Variants in ACTA2 observed in about 807,000 individuals in gnomAD.
The protein encoded by ACTA2 is actin alpha 2, smooth muscle.
In ACTA2, 12 loss-of-function variants were observed where a neutral mutation model predicts 39.5. The ratio of observed to expected loss-of-function variants is 0.30; its 90% CI spans 0.19 to 0.49. ACTA2 has a LOEUF of 0.49. ACTA2 is among the 20% of genes least tolerant of loss of function. The pLI, the probability that ACTA2 is intolerant of heterozygous loss-of-function variation, is 0.99. For synonymous variants in ACTA2, 158 were observed against 180.6 expected, an observed-to-expected ratio of 0.88 and a Z score of 1.00; for missense variants, 236 against 498.8, an observed-to-expected ratio of 0.47 and a Z score of 5.02.
chr10:88,982,025 G>A (rs879527264), intron 1 of ACTA2, among the ~76,000 whole-genome samples: 2 of 152,184 alleles, frequency 1.3e-5, no homozygotes, highest in Non-Finnish European at 2.9e-5. Flanking sequence ...ATATAAAAGG[G>A]TCTAACACAT....
upstream of ACTA2, among the ~76,000 whole-genome samples, chr10:88,952,937 G>T (rs1846076062): frequency 6.6e-6 from 1 of 152,268 alleles, no homozygotes; most frequent in Non-Finnish European, 1.5e-5. Context: ...CGGAGGCCTG[G>T]GTCTCTTCCA....
At position 88,944,175 on chromosome 10, in the gene ACTA2, C is replaced by G. The variant is rs532689179; in HGVS notation, c.259-268G>C. 1.1e-4 allele frequency among the ~76,000 whole-genome samples: 16 copies of G among 152,262 alleles called. No individual in the cohort carries two copies. In the East Asian group the frequency reaches 3.1e-3, roughly 29 times the overall value. ...ATGGTATGGCAGTTAAGGGCACAAC[C>G]CTTGATCAAACCTTGGGTTCAAAGC... is the stretch of plus-strand genomic sequence containing the variant. On this transcript the variant is annotated intron_variant, in intron 3 of 8. Transcript: ENST00000224784.
At chr10:88,989,836 T>C (rs1380374394) in intron 1 of ACTA2, among the ~76,000 whole-genome samples, 2 of 152,208 alleles carry the variant, frequency 1.3e-5, no homozygotes, top group Non-Finnish European at 2.9e-5. Flanking sequence ...ACCTTTAGTG[T>C]GTCCAGTCTG....
chr10:88,951,069 T>C (rs952193132), intron 1 of ACTA2, among the ~76,000 whole-genome samples: 7 of 152,178 alleles, frequency 4.6e-5, no homozygotes, highest in Non-Finnish European at 1.0e-4. Context: ...TGGCTTGCCC[T>C]TTCCTTTCCC....
In ACTA2 at chr10:88,990,240, C is replaced by T. The variant is rs529324410; in HGVS notation, c.-24+699G>A. Among the ~76,000 whole-genome samples the T allele has an allele frequency of 4.7e-4, 72 of 152,340 alleles. No individual in the cohort carries two copies. The highest frequency in any genetic ancestry group is 1.7e-3 in the African/African-American group (71 of 41,568). ...TGAGCCTCTCATGTTGCAGCCACAA[C>T]ATGGACAGCCCAGTCAAATGCCCCG... On this transcript the variant is annotated intron_variant, in intron 1 of 4. Transcript: ENST00000415557. This position sits in a 1 kb window ranked among gnomAD's most constrained non-coding sequence, Gnocchi z 4.9.
At chr10:88,959,347 C>G (rs1846190436) in intron 1 of ACTA2, among the ~76,000 whole-genome samples, 1 of 152,130 alleles carries the variant, frequency 6.6e-6, no homozygotes, top group Non-Finnish European at 1.5e-5. Flanking sequence ...AGATGGGACA[C>G]AGATGTCTAA....
Position 88,935,134 on chromosome 10 carries a change from C to T in ACTA2, c.*89G>A. The T allele has an allele frequency of 6.4e-7, 1 of 1,568,534 alleles. No individual in the cohort carries two copies. Among genetic ancestry groups the T allele is most frequent in the Non-Finnish European group, 8.7e-7 (1 of 1,143,716 alleles). ...CATAGGTAACGAGTCAGAGCTTTGG[C>T]TAGGAATGATTTGGAAAAGAACTGA... is the stretch of plus-strand genomic sequence containing the variant. On this transcript the variant is annotated 3_prime_UTR_variant, in exon 9 of 9. Coordinates refer to ENST00000224784, the MANE Select transcript of ACTA2 (RefSeq NM_001613.4).
rs117143226 is a variant in ACTA2 at position 88,961,627 on chromosome 10, C to A, written c.-23-12674G>T. ...GAGAGAGACCCTCAGTGTAGAGATCCACAGTCCTGACTTTGCCATCAAGAT... is the reference window on the plus strand; with the variant it reads ...GAGAGAGACCCTCAGTGTAGAGATCAACAGTCCTGACTTTGCCATCAAGAT... On this transcript the variant is annotated intron_variant, in intron 1 of 4. Transcript: ENST00000415557. Among the ~76,000 whole-genome samples the A allele has an allele frequency of 7.2e-3, 1,099 of 151,872 alleles. 21 individuals carry two copies. The East Asian group carries it at 0.1, about 14-fold the overall frequency.
At chr10:88,945,608 T>C (rs1845932009) in intron 3 of ACTA2, among the ~76,000 whole-genome samples, 1 of 152,214 alleles carries the variant, frequency 6.6e-6, no homozygotes, top group Non-Finnish European at 1.5e-5. Context: ...TCTCATTAGC[T>C]CTTTTATTAA....
chr10:88,963,846 G>A (rs540628789), intron 1 of ACTA2, among the ~76,000 whole-genome samples: 12 of 152,118 alleles, frequency 7.9e-5, no homozygotes, highest in South Asian at 2.1e-4. Context: ...TATACATTCC[G>A]GCAGGTTTTC....
Position 88,988,765 on chromosome 10 carries a change from T to A in ACTA2, c.-24+2174A>T, listed in dbSNP as rs1380721159. Among the ~76,000 whole-genome samples, 13 of 152,296 alleles carry A rather than the reference T, an allele frequency of 8.5e-5. No individual in the cohort carries two copies. The South Asian group carries it at 2.7e-3, about 32-fold the overall frequency. On this transcript the variant is annotated intron_variant, in intron 1 of 4. Coordinates refer to the ACTA2 transcript ENST00000415557. ...TTCATTCAATAGATTCTTCAAAGGA[T>A]TCCAAAGGCAAAGAAGTTTGGGGAA...
upstream of ACTA2, among the ~76,000 whole-genome samples, chr10:88,954,211 C>T (rs1277122662): frequency 6.6e-6 from 1 of 152,138 alleles, no homozygotes; most frequent in Non-Finnish European, 1.5e-5. Flanking sequence ...GTTACTATGT[C>T]AGATCTGTTT....
At chr10:88,973,412 C>T (rs1846493781) in intron 1 of ACTA2, 1 of 1,291,024 alleles carries the variant, frequency 7.7e-7, no homozygotes, top group African/African-American at 1.5e-5. Context: ...ATGAAAACAA[C>T]TCTTTCTTGT....
At chr10:88,985,649 C>T (rs1045557891) in intron 1 of ACTA2, among the ~76,000 whole-genome samples, 2 of 152,218 alleles carry the variant, frequency 1.3e-5, no homozygotes, top group Non-Finnish European at 2.9e-5. Flanking sequence ...AAGAGTCCCC[C>T]ACCCCCATCC....
intron 1 of ACTA2, among the ~76,000 whole-genome samples, chr10:88,982,408 G>A (rs1302286332): frequency 6.6e-6 from 1 of 152,148 alleles, no homozygotes; most frequent in African/African-American, 2.4e-5. Flanking sequence ...AGATCTCACC[G>A]AGCTTAAATG....
rs575475060 is a variant in ACTA2 at position 88,983,366 on chromosome 10, T to C, written c.-24+7573A>G. Among the ~76,000 whole-genome samples, 6 of 152,142 alleles carry C rather than the reference T, an allele frequency of 3.9e-5. No homozygotes were observed. In the South Asian group the frequency reaches 1.0e-3, roughly 26 times the overall value. The stretch of plus-strand genomic sequence containing the variant: ...GTTTTAATCAACCGGAAACCATGTG[T>C]TCAACAGAACAACAAAACAAGAAGG... On this transcript the variant is annotated intron_variant, in intron 1 of 4. Coordinates refer to the ACTA2 transcript ENST00000415557.
chr10:88,989,289 T>G (rs1847026125), intron 1 of ACTA2, among the ~76,000 whole-genome samples: 1 of 152,176 alleles, frequency 6.6e-6, no homozygotes, highest in Non-Finnish European at 1.5e-5. Flanking sequence ...TTCCATTCCT[T>G]CTTCCCTTAC....
chr10:88,935,283 C>A lies in ACTA2; in HGVS notation c.1074G>T (p.Trp358Cys). 1 of 1,613,998 alleles carries A rather than the reference C, an allele frequency of 6.2e-7. No homozygotes were observed. Among genetic ancestry groups the A allele is most frequent in the Non-Finnish European group, 8.5e-7 (1 of 1,179,912 alleles). The part of the protein sequence containing the change: ...LASLSTFQQM[W>C]ISKQEYDEAG... ...CTTCATCGTATTCCTGTTTGCTGAT[C>A]CACATCTGCTGGAAGGTGGACAGAG... The change falls in exon 9 of 9, where the codon TGG becomes TGT. Residue 358 changes from tryptophan (W) to cysteine (C), a missense_variant. By Grantham distance (215) the Trp-to-Cys change is radical. Coordinates refer to ENST00000224784, the MANE Select transcript of ACTA2 (RefSeq NM_001613.4).
intron 1 of ACTA2, chr10:88,989,483 T>C (rs1210879126): frequency 3.7e-6 from 2 of 543,776 alleles, no homozygotes; most frequent in East Asian, 8.5e-5. Flanking sequence ...TCAGAGTGTG[T>C]GCACAAGGCT....
Sources: allele counts gnomAD v4.1 joint callset (sites outside exome capture counted in the v4.1 genomes callset), GRCh38; gene constraint gnomAD v4.1.1; non-coding constraint Gnocchi (gnomAD v3.1); transcripts MANE v1.5; gene names NCBI Gene and HGNC (gene_info 2026-07-23, HGNC 2026-07-21).